FARS2: variants seen among roughly 807,000 people sequenced by gnomAD.
The protein encoded by FARS2 is phenylalanine--tRNA ligase, mitochondrial.
Under a neutral mutation model 46.4 loss-of-function variants are expected in FARS2, and 40 were observed. That is an observed-to-expected ratio of 0.86 (90% confidence interval 0.67 to 1.12). The LOEUF is 1.12. Ranked by LOEUF, FARS2 falls within the 50% of genes most tolerant of loss-of-function variation. The pLI, the probability that FARS2 is intolerant of heterozygous loss-of-function variation, is 0.00. For synonymous variants in FARS2, 234 were observed against 214.9 expected, an observed-to-expected ratio of 1.09 and a Z score of -0.78; for missense variants, 513 against 567.9, an observed-to-expected ratio of 0.90 and a Z score of 0.98.
At chr6:5,402,959 A>G (rs1301153978) in intron 2 of FARS2, among the ~76,000 whole-genome samples, 1 of 152,104 alleles carries the variant, frequency 6.6e-6, no homozygotes, top group East Asian at 1.9e-4. Context: ...TGCTTACTTC[A>G]AAGCCTTATC....
At chr6:5,299,481 T>C (rs184862978) in intron 1 of FARS2, among the ~76,000 whole-genome samples, 76 of 152,330 alleles carry the variant, frequency 5.0e-4, no homozygotes, top group Middle Eastern at 3.4e-3. Flanking sequence ...ATAACAGCAA[T>C]GGCTGTCTTG....
intron 2 of FARS2, among the ~76,000 whole-genome samples, chr6:5,385,906 C>T (rs896709548): frequency 1.3e-5 from 2 of 152,010 alleles, no homozygotes; most frequent in African/African-American, 4.8e-5. Flanking sequence ...GCTCAGGGGT[C>T]GCCTGCTTAG....
chr6:5,260,598 T>TGCCCCGGCCCCGGGGC, upstream of FARS2: 7 of 1,105,566 alleles, frequency 6.3e-6, no homozygotes, highest in Non-Finnish European at 9.1e-6. Context: ...GCACCCCCGG[T>TGCCCCGGCCCCGGGGC]CCCCGGCCCC....
intron 6 of FARS2, among the ~76,000 whole-genome samples, chr6:5,743,533 C>G (rs1317580447): frequency 1.3e-5 from 2 of 152,246 alleles, no homozygotes; most frequent in East Asian, 3.8e-4. Context: ...GAAAGCCATG[C>G]TCTATAATAA....
intron 5 of FARS2, among the ~76,000 whole-genome samples, chr6:5,551,816 C>T (rs532719839): frequency 6.6e-5 from 10 of 152,250 alleles, no homozygotes; most frequent in Middle Eastern, 3.4e-3. Flanking sequence ...ACGTTGCCTT[C>T]CCCCAAGCCC....
chr6:5,719,671 G>A (rs1277701061), intron 6 of FARS2, among the ~76,000 whole-genome samples: 1 of 152,148 alleles, frequency 6.6e-6, no homozygotes, highest in Non-Finnish European at 1.5e-5. Flanking sequence ...TTCCAGGGAT[G>A]CGGCCAGCCA....
intron 4 of FARS2, among the ~76,000 whole-genome samples, chr6:5,485,878 C>G (rs1380094925): frequency 6.6e-6 from 1 of 152,200 alleles, no homozygotes. Flanking sequence ...CAAGTGCCCA[C>G]TAGCCACATG....
intron 4 of FARS2, among the ~76,000 whole-genome samples, chr6:5,435,504 C>G (rs996948669): frequency 6.6e-6 from 1 of 152,178 alleles, no homozygotes; most frequent in African/African-American, 2.4e-5. Flanking sequence ...TTCCTTAAGT[C>G]GTAGTGTCTT....
intron 1 of FARS2, among the ~76,000 whole-genome samples, chr6:5,287,437 C>G (rs936265648): frequency 3.8e-4 from 58 of 152,158 alleles, no homozygotes; most frequent in African/African-American, 1.4e-3. Flanking sequence ...ACTGTTTCCT[C>G]TTTTTATCCT....
intron 4 of FARS2, among the ~76,000 whole-genome samples, chr6:5,498,145 G>A (rs1327543907): frequency 6.6e-6 from 1 of 152,152 alleles, no homozygotes; most frequent in Non-Finnish European, 1.5e-5. Flanking sequence ...TCATTGAATG[G>A]AATCTAGGAC....
At chr6:5,535,301 A>G (rs955352236) in intron 4 of FARS2, among the ~76,000 whole-genome samples, 2 of 152,024 alleles carry the variant, frequency 1.3e-5, no homozygotes, top group African/African-American at 2.4e-5. Flanking sequence ...CAGATTGTTC[A>G]TTGTTAGTGT....
At position 5,770,471 on chromosome 6, in the gene FARS2, T is replaced by C. The variant is rs954563087; in HGVS notation, c.1218-820T>C. ...GAATTTGTGTGACCAGATCCCCTTATTGTATAGAAGAAGAGAAATGTGAGC... is the reference window on the plus strand; with the variant it reads ...GAATTTGTGTGACCAGATCCCCTTACTGTATAGAAGAAGAGAAATGTGAGC... On this transcript the variant is annotated intron_variant, in intron 6 of 6. Transcript: ENST00000274680. Among the ~76,000 whole-genome samples the C allele has an allele frequency of 2.0e-5, 3 of 152,114 alleles. 1 individual carries two copies. The South Asian group carries it at 6.2e-4, about 32-fold the overall frequency.
At chr6:5,525,201 T>TA (rs35559770) in intron 4 of FARS2, among the ~76,000 whole-genome samples, 3,414 of 136,962 alleles carry the variant, frequency 0.025, 148 homozygotes, top group African/African-American at 0.087. Context: ...GCTCCCCCCA[T>TA]AAAAAAACTG....
chr6:5,504,545 T>G (rs941501067), intron 4 of FARS2, among the ~76,000 whole-genome samples: 2 of 151,786 alleles, frequency 1.3e-5, no homozygotes, highest in African/African-American at 4.8e-5. Flanking sequence ...TAGTGTGGAC[T>G]TAACAGAAAC....
intron 3 of FARS2, among the ~76,000 whole-genome samples, chr6:5,422,379 T>A (rs182077659): frequency 6.7e-6 from 1 of 148,564 alleles, no homozygotes; most frequent in Non-Finnish European, 1.5e-5. Flanking sequence ...TCTCTCTCTC[T>A]TTTTTTTTTA....
intron 1 of FARS2, among the ~76,000 whole-genome samples, chr6:5,274,915 C>T (rs1411493302): frequency 6.6e-6 from 1 of 152,138 alleles, no homozygotes; most frequent in Non-Finnish European, 1.5e-5. Context: ...TGGGGTTTTG[C>T]TCTGTTGCCC....
intron 6 of FARS2, among the ~76,000 whole-genome samples, chr6:5,717,116 G>A (rs1378008695): frequency 6.6e-6 from 1 of 152,188 alleles, no homozygotes; most frequent in Non-Finnish European, 1.5e-5. Context: ...TCAGAAATGG[G>A]GAACTTATAA....
At chr6:5,481,334 G>A (rs964095453) in intron 4 of FARS2, among the ~76,000 whole-genome samples, 1 of 152,218 alleles carries the variant, frequency 6.6e-6, no homozygotes, top group African/African-American at 2.4e-5. Flanking sequence ...TTTAGCCACA[G>A]CCACCTACTT....
intron 1 of FARS2, among the ~76,000 whole-genome samples, chr6:5,287,260 G>A (rs1317820559): frequency 6.6e-6 from 1 of 152,176 alleles, no homozygotes; most frequent in African/African-American, 2.4e-5. Flanking sequence ...TGGGGAACTG[G>A]GCTGTAGACA....
Sources: gnomAD v4.1 joint callset for allele counts (sites outside exome capture counted in the v4.1 genomes callset) on GRCh38, gnomAD v4.1.1 for gene constraint, MANE v1.5 for transcripts, NCBI Gene and HGNC (gene_info 2026-07-23, HGNC 2026-07-21) for gene names.